EFCAB3: variants seen among roughly 807,000 people sequenced by gnomAD.
The protein encoded by EFCAB3 is EF-hand calcium-binding domain-containing protein 3.
Under a neutral mutation model 42.2 loss-of-function variants are expected in EFCAB3, and 36 were observed. The observed-to-expected ratio is 0.85, with a 90% confidence interval of 0.65 to 1.13. The LOEUF (loss-of-function observed/expected upper bound fraction) is 1.13. EFCAB3 is among the 50% of genes most tolerant of loss of function. EFCAB3 has a pLI of 0.00. For missense variants in EFCAB3, 418 were observed against 505.1 expected, an observed-to-expected ratio of 0.83 and a Z score of 1.65; for synonymous variants, 170 against 172.8, an observed-to-expected ratio of 0.98 and a Z score of 0.13.
intron 1 of EFCAB3, among the ~76,000 whole-genome samples, chr17:62,370,760 C>T (rs936856875): frequency 1.3e-5 from 2 of 151,978 alleles, no homozygotes; most frequent in African/African-American, 2.4e-5. Flanking sequence ...CAAACTTAAA[C>T]GTGCATATGA....
chr17:62,392,848 AGGATG>A (rs1407887282), intron 4 of EFCAB3, among the ~76,000 whole-genome samples: 1 of 152,074 alleles, frequency 6.6e-6, no homozygotes, highest in Non-Finnish European at 1.5e-5. Flanking sequence ...CGTGTTAGCC[AGGATG>A]GTCTCGATCT....
intron 2 of EFCAB3, among the ~76,000 whole-genome samples, chr17:62,384,261 A>C (rs2070229087): frequency 6.6e-6 from 1 of 152,220 alleles, no homozygotes; most frequent in South Asian, 2.1e-4. Context: ...TTTGAAAAAT[A>C]AAGTCTTTCT....
intron 6 of EFCAB3, 38 bp downstream of exon 6, chr17:62,395,226 G>T: frequency 6.2e-7 from 1 of 1,603,158 alleles, no homozygotes. Flanking sequence ...AGCCTTCTCA[G>T]AAGCATTATG....
At chr17:62,371,644 G>A (rs150482170) in intron 1 of EFCAB3, among the ~76,000 whole-genome samples, 3 of 152,288 alleles carry the variant, frequency 2.0e-5, no homozygotes, top group African/African-American at 7.2e-5. Flanking sequence ...GTGCCTGATG[G>A]TATGATTCCA....
chr17:62,399,827 T>TA (rs2070385578), intron 6 of EFCAB3, among the ~76,000 whole-genome samples: 1 of 152,184 alleles, frequency 6.6e-6, no homozygotes, highest in Admixed American at 6.5e-5. Context: ...CACCTTTTAA[T>TA]ATGCAATAAA....
upstream of EFCAB3, among the ~76,000 whole-genome samples, chr17:62,379,325 T>C (rs1424095675): frequency 6.8e-6 from 1 of 147,558 alleles, no homozygotes; most frequent in Non-Finnish European, 1.5e-5. Flanking sequence ...GAGGCTGAGG[T>C]GGAAGACTCA....
chr17:62,415,590 T>G (rs1339120249), intron 9 of EFCAB3, among the ~76,000 whole-genome samples: 1 of 152,120 alleles, frequency 6.6e-6, no homozygotes, highest in African/African-American at 2.4e-5. Context: ...CCCCTCTCCC[T>G]GGAACACCTT....
At chr17:62,413,564 T>C (rs578110159) in intron 8 of EFCAB3, among the ~76,000 whole-genome samples, 168 bp from the exon 9 acceptor site, 5 of 152,308 alleles carry the variant, frequency 3.3e-5, no homozygotes, top group African/African-American at 1.2e-4. Context: ...ATGCCACTCC[T>C]GAGGGACCCG....
chr17:62,376,656 A>G (rs996502688), upstream of EFCAB3, among the ~76,000 whole-genome samples: 1 of 152,162 alleles, frequency 6.6e-6, no homozygotes, highest in Non-Finnish European at 1.5e-5. Flanking sequence ...TCCCATTTCC[A>G]TTTCACCATT....
intron 6 of EFCAB3, among the ~76,000 whole-genome samples, chr17:62,400,101 T>C (rs1430596450): frequency 1.3e-5 from 2 of 152,096 alleles, no homozygotes; most frequent in Non-Finnish European, 2.9e-5. Context: ...CACTGGGATC[T>C]CCAGCCCAGA....
intron 4 of EFCAB3, among the ~76,000 whole-genome samples, 178 bp from the exon 5 acceptor site, chr17:62,393,395 G>GC (rs2070321022): frequency 6.6e-6 from 1 of 152,218 alleles, no homozygotes; most frequent in Admixed American, 6.5e-5. Flanking sequence ...GAGGACTGAT[G>GC]TAATGGTGCT....
intron 3 of EFCAB3, among the ~76,000 whole-genome samples, chr17:62,390,684 G>T (rs1449024586): frequency 1.3e-5 from 2 of 152,192 alleles, no homozygotes; most frequent in Admixed American, 1.3e-4. Context: ...ACAGAAACAA[G>T]TCAGAGATAG....
rs2070262180 is a variant in EFCAB3 at position 62,387,405 on chromosome 17, C to T, written c.140C>T (p.Ser47Leu). The T allele has an allele frequency of 1.9e-6, 3 of 1,611,120 alleles. No homozygotes were observed. The highest frequency in any genetic ancestry group is 2.2e-5 in the East Asian group (1 of 44,738). ...CACAAAGAAAAGAAGCTAAGTGCTT[C>T]ACAAATGGCAGGTAATGAGAATCAT... ...LQHKEKKLSA[S>L]QMAAFQDAYN... is the part of the protein sequence containing the mutation. Residue 47 changes from serine to leucine, a missense_variant, in exon 3 of 10, where the codon TCA becomes TTA. Coordinates refer to ENST00000305286, the MANE Select transcript of EFCAB3 (RefSeq NM_173503.4).
chr17:62,413,386 A>C (rs1377364491), intron 8 of EFCAB3, among the ~76,000 whole-genome samples: 2 of 152,240 alleles, frequency 1.3e-5, no homozygotes, highest in African/African-American at 4.8e-5. Flanking sequence ...CAAGATGAAA[A>C]AACATGGGTA....
At chr17:62,392,968 G>T (rs1460095739) in intron 4 of EFCAB3, among the ~76,000 whole-genome samples, 2 of 152,094 alleles carry the variant, frequency 1.3e-5, no homozygotes, top group Non-Finnish European at 2.9e-5. Flanking sequence ...TATACTGACC[G>T]AATTATTAGT....
chr17:62,373,800 A>G (rs1234075143), intron 1 of EFCAB3: 2 of 1,495,514 alleles, frequency 1.3e-6, no homozygotes, highest in Non-Finnish European at 1.8e-6. Flanking sequence ...TATCTAAACC[A>G]AAATGTTTTA....
chr17:62,373,766 T>C (rs1182101673), intron 1 of EFCAB3: 4 of 1,116,270 alleles, frequency 3.6e-6, no homozygotes, highest in Non-Finnish European at 5.2e-6. Flanking sequence ...ACAACTGTTA[T>C]GAATTTTTAT....
At position 62,393,614 on chromosome 17, in the gene EFCAB3, A is replaced by T; in HGVS notation, c.337A>T (p.Thr113Ser). ...CTTCTCAGACTTTATCAAGGTTCTA[A>T]CAGATAAGAATCTCTTCCTCAAGGC... ...VNFSDFIKVL[T>S]DKNLFLKAVV... Residue 113 changes from threonine (T) to serine (S), a missense_variant, in exon 5 of 10, where the codon ACA becomes TCA. Coordinates refer to ENST00000305286, the MANE Select transcript of EFCAB3 (RefSeq NM_173503.4). 1 of 1,614,130 alleles carries T rather than the reference A, an allele frequency of 6.2e-7. No individual in the cohort carries two copies. Among genetic ancestry groups the T allele is most frequent in the Non-Finnish European group, 8.5e-7 (1 of 1,179,994 alleles).
chr17:62,381,333 AT>A (rs1382308520), intron 1 of EFCAB3, among the ~76,000 whole-genome samples: 3 of 151,768 alleles, frequency 2.0e-5, no homozygotes, highest in Admixed American at 6.6e-5. Context: ...TGAACTCATC[AT>A]TTTTTATGGC....
Sources: gnomAD v4.1 joint callset for allele counts (sites outside exome capture counted in the v4.1 genomes callset) on GRCh38, gnomAD v4.1.1 for gene constraint, MANE v1.5 for transcripts, NCBI Gene and HGNC (gene_info 2026-07-23, HGNC 2026-07-21) for gene names.